CNTN3: variants seen among roughly 807,000 people sequenced by gnomAD.
The protein encoded by CNTN3 is contactin 3, also known as contactin-3.
CNTN3 carries 60 observed loss-of-function variants against 119.1 expected under a neutral mutation model. The observed-to-expected ratio is 0.50, with a 90% CI of 0.41 to 0.62. The LOEUF (loss-of-function observed/expected upper bound fraction) is 0.62. CNTN3 is among the 20% of genes least tolerant of loss of function. The pLI is 0.00. For synonymous variants in CNTN3, 450 were observed against 438.7 expected (o/e 1.03, Z -0.32); for missense variants, 1,101 against 1,242.4 (o/e 0.89, Z 1.71).
At chr3:74,510,867 T>C (rs1703351969) in intron 2 of CNTN3, among the ~76,000 whole-genome samples, 1 of 152,138 alleles carries the variant, frequency 6.6e-6, no homozygotes, top group Non-Finnish European at 1.5e-5. Flanking sequence ...GCTGGCTGCC[T>C]GGACACATTC....
intron 5 of CNTN3, among the ~76,000 whole-genome samples, chr3:74,372,249 G>T (rs913220009): frequency 3.3e-5 from 5 of 152,212 alleles, no homozygotes; most frequent in Admixed American, 2.6e-4. Context: ...AAGGCACTTA[G>T]TAGGGCCTCA....
chr3:74,552,332 G>C (rs909917995), intron 1 of CNTN3, among the ~76,000 whole-genome samples: 1 of 152,156 alleles, frequency 6.6e-6, no homozygotes, highest in Non-Finnish European at 1.5e-5. Flanking sequence ...GCAACTGCTG[G>C]ATCTTTCGGA....
chr3:74,417,207 ACT>A (rs1701537732), intron 5 of CNTN3, among the ~76,000 whole-genome samples: 1 of 151,928 alleles, frequency 6.6e-6, no homozygotes, highest in Non-Finnish European at 1.5e-5. Context: ...TCACTAGCAA[ACT>A]CATCATTTTC....
chr3:74,405,824 T>G (rs1479084681), intron 5 of CNTN3, among the ~76,000 whole-genome samples: 2 of 152,082 alleles, frequency 1.3e-5, no homozygotes, highest in Non-Finnish European at 2.9e-5. Context: ...TTTTCCATAT[T>G]TATTTGTAAA....
chr3:74,601,414 C>T (rs114964545), intron 1 of CNTN3, among the ~76,000 whole-genome samples: 2,830 of 152,212 alleles, frequency 0.019, 80 homozygotes, highest in African/African-American at 0.065. Flanking sequence ...TTTAATTGAA[C>T]GGTACACTCT....
At chr3:74,415,036 T>C (rs995991984) in intron 5 of CNTN3, among the ~76,000 whole-genome samples, 3 of 152,126 alleles carry the variant, frequency 2.0e-5, no homozygotes, top group Admixed American at 6.6e-5. Context: ...AAATAAATTC[T>C]GTTGAAGCAC....
intron 1 of CNTN3, among the ~76,000 whole-genome samples, chr3:74,572,939 G>A (rs1704357805): frequency 6.6e-6 from 1 of 152,168 alleles, no homozygotes; most frequent in African/African-American, 2.4e-5. Flanking sequence ...TGGCTGCCCG[G>A]GCAGTGCCAT....
chr3:74,581,662 C>A (rs946913844), intron 1 of CNTN3, among the ~76,000 whole-genome samples: 1 of 151,904 alleles, frequency 6.6e-6, no homozygotes, highest in Non-Finnish European at 1.5e-5. Context: ...CTTGAAGAGC[C>A]AAAAGAAATT....
Position 74,614,447 on chromosome 3 carries a change from G to GCCGCCGCCGCCGCCGCCA in CNTN3, c.-155_-138dup, listed in dbSNP as rs965559725. Among the ~76,000 whole-genome samples, 6 of 138,154 alleles carry GCCGCCGCCGCCGCCGCCA rather than the reference G, an allele frequency of 4.3e-5. No individual in the cohort carries two copies. Among genetic ancestry groups the GCCGCCGCCGCCGCCGCCA allele is most frequent in the Admixed American group, 2.1e-4 (3 of 14,446 alleles). 90.6% of individuals were successfully genotyped at this position (138,154 alleles called of 152,430 possible). A position where few individuals can be genotyped will look rare whatever the true frequency, so the allele number is the denominator to read the frequency against. ...CGACGGCCCACTCGCCGCCGCCGCC[G>GCCGCCGCCGCCGCCGCCA]CCGCCGCCGCCGCCGCCACCGCCGC... On this transcript the variant is annotated 5_prime_UTR_variant, in exon 1 of 23. Transcript: ENST00000263665.
intron 2 of CNTN3, among the ~76,000 whole-genome samples, chr3:74,507,737 T>G (rs2107096802): frequency 6.6e-6 from 1 of 151,498 alleles, no homozygotes; most frequent in South Asian, 2.1e-4. Flanking sequence ...CTTCTAGCAA[T>G]TCTTCTGCCT....
chr3:74,405,816 T>C (rs1705309327), intron 5 of CNTN3, among the ~76,000 whole-genome samples: 3 of 152,102 alleles, frequency 2.0e-5, no homozygotes, highest in Admixed American at 2.0e-4. Context: ...CTATCCAGTT[T>C]TCCATATTTA....
In CNTN3 at chr3:74,422,334, T is replaced by C. The variant is rs1240735649; in HGVS notation, c.454+2511A>G. Among the ~76,000 whole-genome samples, 5 of 152,210 alleles carry C rather than the reference T, an allele frequency of 3.3e-5. No homozygotes were observed. The South Asian group carries it at 6.2e-4, about 19-fold the overall frequency. On this transcript the variant is annotated intron_variant, in intron 5 of 22. Coordinates refer to ENST00000263665, the MANE Select transcript of CNTN3 (RefSeq NM_020872.3). ...CTCCTATGCATGCTCTGGGTTCTTA[T>C]GGGTTCATGTCTGACATCTGGGAAG...
intron 1 of CNTN3, among the ~76,000 whole-genome samples, chr3:74,573,487 T>C (rs891801107): frequency 6.6e-6 from 1 of 152,084 alleles, no homozygotes; most frequent in Admixed American, 6.5e-5. Context: ...AAGGACACCA[T>C]CAAGAAAGTT....
chr3:74,304,830 A>AT (rs1286203749), intron 13 of CNTN3, among the ~76,000 whole-genome samples: 1 of 152,042 alleles, frequency 6.6e-6, no homozygotes, highest in African/African-American at 2.4e-5. Flanking sequence ...ATTGGAAATG[A>AT]TTTTTTTTCA....
intron 4 of CNTN3, among the ~76,000 whole-genome samples, chr3:74,439,844 A>T (rs961707868): frequency 8.5e-5 from 13 of 152,202 alleles, no homozygotes; most frequent in African/African-American, 3.1e-4. Context: ...CATTTATTCA[A>T]CAACTCTAAT....
intron 1 of CNTN3, among the ~76,000 whole-genome samples, chr3:74,538,238 T>G (rs1386033019): frequency 6.6e-6 from 1 of 152,154 alleles, no homozygotes; most frequent in Non-Finnish European, 1.5e-5. Context: ...GTGTTGATAC[T>G]TAGTTGAAAG....
intron 1 of CNTN3, among the ~76,000 whole-genome samples, chr3:74,521,397 G>A (rs970195706): frequency 2.0e-5 from 3 of 150,922 alleles, no homozygotes; most frequent in African/African-American, 7.3e-5. Flanking sequence ...AGATGGAAAC[G>A]ATCTTATAGA....
At chr3:74,353,936 G>A (rs977669604) in intron 11 of CNTN3, among the ~76,000 whole-genome samples, 8 of 151,984 alleles carry the variant, frequency 5.3e-5, no homozygotes, top group African/African-American at 1.7e-4. Flanking sequence ...CTGTGTCCCT[G>A]ACAGTCAACC....
At chr3:74,512,379 C>T (rs1176381777) in intron 2 of CNTN3, among the ~76,000 whole-genome samples, 1 of 151,860 alleles carries the variant, frequency 6.6e-6, no homozygotes, top group Non-Finnish European at 1.5e-5. Flanking sequence ...ACAAAAGGTT[C>T]CTATTAATCT....
Sources: gnomAD v4.1 joint callset for allele counts (sites outside exome capture counted in the v4.1 genomes callset) on GRCh38, gnomAD v4.1.1 for gene constraint, MANE v1.5 for transcripts, NCBI Gene and HGNC (gene_info 2026-07-23, HGNC 2026-07-21) for gene names.